The following COL6A2 variants were observed in gnomAD, a reference collection of about 807,000 sequenced individuals.
COL6A2 encodes collagen type VI alpha 2 chain.
A neutral mutation model predicts 124.9 loss-of-function variants in COL6A2; 90 were observed. The observed-to-expected ratio is 0.72, with a 90% CI of 0.61 to 0.86. COL6A2 has a LOEUF of 0.86. COL6A2 is among the 40% of genes least tolerant of loss of function. The pLI is 0.00. For missense variants in COL6A2, 1,607 were observed against 1,502.5 expected, an observed-to-expected ratio of 1.07 and a Z score of -1.15; for synonymous variants, 793 against 618.2, an observed-to-expected ratio of 1.28 and a Z score of -4.19.
rs113049815 is a variant in COL6A2, at chr21:46,128,205, C to T, written c.2461+1664C>T. 3.9e-5 allele frequency among the ~76,000 whole-genome samples: 6 copies of T among 152,310 alleles called. No individual in the cohort carries two copies. The East Asian group carries it at 7.7e-4, about 20-fold the overall frequency. ...ACAGGGAAAGCAGCCAGGGAGGACA[C>T]GGAGGCCCTTGAAGCTCTGGCCTCT... is the stretch of plus-strand genomic sequence containing the variant. On this transcript the variant is annotated intron_variant, in intron 27 of 27. Coordinates refer to ENST00000300527, the MANE Select transcript of COL6A2 (RefSeq NM_001849.4).
At position 46,132,493 on chromosome 21, in the gene COL6A2, G is replaced by A. The variant is rs750682710; in HGVS notation, c.3001G>A (p.Asp1001Asn). The change falls in exon 28 of 28, where the codon GAC (aspartate) becomes AAC (asparagine). Residue 1001 changes from aspartate (D) to asparagine (N), a missense_variant. Physicochemically the swap from Asp to Asn is conservative, Grantham distance 23. This residue lies in a region of COL6A2 where 1,223 missense variants were observed against 1,052.2 expected (regional missense o/e 1.16). Coordinates refer to ENST00000300527, the MANE Select transcript of COL6A2 (RefSeq NM_001849.4). ...GDRAAVFHEK[D>N]YDSLAQPGFF... is the part of the protein sequence containing the mutation. ...CCGCGCCGCCGTGTTCCACGAGAAGGACTATGACAGCCTGGCGCAACCCGG... is the reference window on the plus strand; with the variant it reads ...CCGCGCCGCCGTGTTCCACGAGAAGAACTATGACAGCCTGGCGCAACCCGG... 20 of 1,608,170 alleles carry A rather than the reference G, an allele frequency of 1.2e-5. No homozygotes were observed. In the East Asian group the frequency reaches 2.5e-4, roughly 20 times the overall value.
Position 46,117,452 on chromosome 21 carries a change from G to A in COL6A2, c.1052G>A (p.Arg351Gln), listed in dbSNP as rs747093518. The part of the protein sequence containing the change: ...PPGCKGDPGN[R>Q]GPDGYPGEAG... ...GGCTGCAAGGGAGACCCTGGAAACC[G>A]GGTAAGGGCCGTTTGCACCCCTCCT... The change falls in exon 11 of 28, where the codon CGG becomes CAG. Residue 351 changes from arginine to glutamine, a missense_variant and splice_region_variant. Transcript: ENST00000300527. The A allele has an allele frequency of 3.4e-5, 55 of 1,612,518 alleles. No individual in the cohort carries two copies. Among genetic ancestry groups the A allele is most frequent in the Non-Finnish European group, 4.2e-5 (50 of 1,179,870 alleles).
At chr21:46,125,642 G>C in intron 25 of COL6A2, 25 bp downstream of exon 25, 1 of 1,583,436 alleles carries the variant, frequency 6.3e-7, no homozygotes, top group Non-Finnish European at 8.7e-7. Context: ...GGCGGGTGCA[G>C]CATTGCGGGG....
chr21:46,123,872 TG>T (rs2123654816), intron 21 of COL6A2, among the ~76,000 whole-genome samples: 1 of 107,772 alleles, frequency 9.3e-6, no homozygotes, highest in African/African-American at 3.0e-5. Context: ...GGTTGGCAGA[TG>T]GATGGATGGG....
At position 46,132,825 on chromosome 21, in the gene COL6A2, G is replaced by A; in HGVS notation, c.*273G>A. ...GCCCCTGAGCTCTGGAGCAAGCCCT[G>A]ACCCAATAAAGGCTTTGAACCCATT... On this transcript the variant is annotated 3_prime_UTR_variant, in exon 28 of 28. Transcript: ENST00000300527. 2 of 557,624 alleles carry A rather than the reference G, an allele frequency of 3.6e-6. No individual in the cohort carries two copies. The highest frequency in any genetic ancestry group is 3.0e-5 in the East Asian group (1 of 32,982). The allele number at this position is 557,624 out of a possible 1,614,324, so 34.5% of individuals were successfully genotyped here.
chr21:46,131,526 T>G (rs1050312813), intron 27 of COL6A2, among the ~76,000 whole-genome samples: 38 of 152,204 alleles, frequency 2.5e-4, no homozygotes, highest in African/African-American at 9.2e-4. Context: ...ACCCAGCGAT[T>G]GAGGGGTCAG....
rs142065958 is a variant in COL6A2 at position 46,125,825 on chromosome 21, C to T, written c.2010C>T (p.Thr670=). The T allele has an allele frequency of 6.2e-7, 1 of 1,612,762 alleles. No individual in the cohort carries two copies. The highest frequency in any genetic ancestry group is 1.3e-5 in the African/African-American group (1 of 74,960). ...VGVVQYSHEG[T]FEAIQLDDER... ...TGGTGCAGTACAGCCACGAGGGCAC[C>T]TTTGAGGCCATCCAGCTGGACGACG... The change falls in exon 26 of 28, where the codon ACC becomes ACT. Residue 670 remains threonine, a synonymous_variant. Coordinates refer to ENST00000300527, the MANE Select transcript of COL6A2 (RefSeq NM_001849.4).
chr21:46,109,640 GAGGGGGCCAAGTCAGC>G (rs2078373688), intron 1 of COL6A2, among the ~76,000 whole-genome samples: 1 of 152,216 alleles, frequency 6.6e-6, no homozygotes, highest in Admixed American at 6.5e-5. Flanking sequence ...CCACAGTTTG[GAGGGGGCCAAGTCAGC>G]AGGGGGCTGG....
intron 17 of COL6A2, 42 bp downstream of exon 17, chr21:46,121,165 G>C (rs368064823): frequency 6.3e-7 from 1 of 1,593,304 alleles, no homozygotes; most frequent in East Asian, 2.2e-5. Context: ...TGACCCCACG[G>C]GTGGGTCTCC....
rs1601231322 is a variant in COL6A2 at position 46,118,643 on chromosome 21, G to GC, written c.1151dup (p.Glu386ArgfsTer65). 2 of 1,612,424 alleles carry GC rather than the reference G, an allele frequency of 1.2e-6. No individual in the cohort carries two copies. Among genetic ancestry groups the GC allele is most frequent in the Non-Finnish European group, 1.7e-6 (2 of 1,179,846 alleles). ...ACCCTGGCCGCCCAGGACGCAGAGG[G>GC]CCCCCGGGAGAAATCGGGGCCAAGG... is the stretch of plus-strand genomic sequence containing the variant. On this transcript the variant is annotated frameshift_variant, in exon 13 of 28. Coordinates refer to ENST00000300527, the MANE Select transcript of COL6A2 (RefSeq NM_001849.4). LOFTEE classifies it high-confidence loss of function.
At chr21:46,131,089 C>T (rs1001291223) in intron 27 of COL6A2, among the ~76,000 whole-genome samples, 3 of 152,304 alleles carry the variant, frequency 2.0e-5, no homozygotes, top group African/African-American at 4.8e-5. Flanking sequence ...TGACGACGTC[C>T]AGGGGTTGGG....
At chr21:46,119,283 G>A (rs769880699) in intron 14 of COL6A2, among the ~76,000 whole-genome samples, 164 bp downstream of exon 14, 1 of 152,088 alleles carries the variant, frequency 6.6e-6, no homozygotes, top group Non-Finnish European at 1.5e-5. Flanking sequence ...ACCACCCCAC[G>A]GGACCCCCCA....
chr21:46,118,238 G>A (rs918814552), intron 12 of COL6A2, among the ~76,000 whole-genome samples: 1 of 152,104 alleles, frequency 6.6e-6, no homozygotes, highest in East Asian at 1.9e-4. Flanking sequence ...GAACGTTGGT[G>A]CCCCAGGGGC....
chr21:46,119,175 T>C, intron 14 of COL6A2, 56 bp downstream of exon 14: 1 of 1,361,620 alleles, frequency 7.3e-7, no homozygotes. Flanking sequence ...TCCTTGCAGC[T>C]TGAGGAGGAC....
chr21:46,126,471 T>TGGCCCGGCCCGGCCC (rs773119720), intron 26 of COL6A2, 32 bp from the exon 27 acceptor site: 9 of 1,599,952 alleles, frequency 5.6e-6, no homozygotes, highest in East Asian at 2.2e-5. Flanking sequence ...GGACTGACCC[T>TGGCCCGGCCCGGCCC]GGCCTGGCCC....
chr21:46,122,242 A>C, intron 19 of COL6A2, 84 bp downstream of exon 19: 2 of 1,478,160 alleles, frequency 1.4e-6, no homozygotes, highest in Non-Finnish European at 1.9e-6. Context: ...AGTTCCCTCA[A>C]GGCCTCCTCT....
chr21:46,127,036 C>T (rs1367992183), intron 27 of COL6A2, among the ~76,000 whole-genome samples: 1 of 152,138 alleles, frequency 6.6e-6, no homozygotes, highest in Non-Finnish European at 1.5e-5. Flanking sequence ...GTGGGGGAGC[C>T]CATGTCCCGG....
Position 46,132,091 on chromosome 21 carries a change from C to G in COL6A2, c.2599C>G (p.Arg867Gly). The change falls in exon 28 of 28, where the codon CGG (arginine) becomes GGG (glycine). Residue 867 changes from arginine (R) to glycine (G), a missense_variant. Around this residue, in one of 3 missense-constraint regions of COL6A2, gnomAD observed 1,223 missense variants for 1,052.2 expected, o/e 1.16. Coordinates refer to ENST00000300527, the MANE Select transcript of COL6A2 (RefSeq NM_001849.4). Reference sequence around the variant, plus strand: ...GGTGGCGCGGCGGCTGACGCTGGCCCGGAGGGACGACGACCCTCTCAACGC... The same window carrying G: ...GGTGGCGCGGCGGCTGACGCTGGCCGGGAGGGACGACGACCCTCTCAACGC... ...EQVARRLTLA[R>G]RDDDPLNARV... The G allele has an allele frequency of 6.3e-7, 1 of 1,597,858 alleles. No homozygotes were observed. The highest frequency in any genetic ancestry group is 8.5e-7 in the Non-Finnish European group (1 of 1,174,884).
chr21:46,122,156 C>G lies in COL6A2; in HGVS notation c.1570C>G (p.Pro524Ala), dbSNP rs2078577021. The G allele has an allele frequency of 6.2e-7, 1 of 1,612,470 alleles. No individual in the cohort carries two copies. The highest frequency in any genetic ancestry group is 1.1e-5 in the South Asian group (1 of 91,024). ...CAGCTACCCAGGACCCCGAGGAGCA[C>G]CCGTGAGTCACAGCCTGGGATGGCA... ...GFSYPGPRGA[P>A]GEKGEPGPRG... The change falls in exon 19 of 28, where the codon CCC (proline) becomes GCC (alanine). Residue 524 changes from proline to alanine, a missense_variant and splice_region_variant. Around this residue, in one of 3 missense-constraint regions of COL6A2, gnomAD observed 1,223 missense variants for 1,052.2 expected, o/e 1.16. Coordinates refer to ENST00000300527, the MANE Select transcript of COL6A2 (RefSeq NM_001849.4).
Sources: allele counts gnomAD v4.1 joint callset (sites outside exome capture counted in the v4.1 genomes callset), GRCh38; gene constraint gnomAD v4.1.1; regional missense constraint gnomAD v4.1.1; transcripts MANE v1.5; gene names NCBI Gene and HGNC (gene_info 2026-07-23, HGNC 2026-07-21).